Variants in DGKB observed in about 807,000 individuals in gnomAD.
DGKB encodes 90 kDa diacylglycerol kinase.
Under a neutral mutation model 114.3 loss-of-function variants are expected in DGKB, and 67 were observed. That is an observed-to-expected ratio of 0.59 (90% CI 0.48 to 0.72). DGKB has a LOEUF of 0.72. Ranked by LOEUF, DGKB falls within the 30% of genes least tolerant of loss-of-function variation. The probability of loss-of-function intolerance (pLI) is 0.00; values close to 1 mark genes in which losing one functional copy is unlikely to be tolerated. For missense variants in DGKB, 907 were observed against 975.2 expected (o/e 0.93, Z 0.93); for synonymous variants, 398 against 323.1 (o/e 1.23, Z -2.49).
At chr7:14,606,880 G>A (rs182273548) in intron 17 of DGKB, among the ~76,000 whole-genome samples, 113 of 151,744 alleles carry the variant, frequency 7.4e-4, no homozygotes, top group Middle Eastern at 3.4e-3. Flanking sequence ...AAATGAAATC[G>A]TATGATTTTT....
At chr7:14,357,550 G>T (rs141436402) in intron 21 of DGKB, among the ~76,000 whole-genome samples, 1 of 151,960 alleles carries the variant, frequency 6.6e-6, no homozygotes, top group Non-Finnish European at 1.5e-5. Flanking sequence ...CTCTTTATCC[G>T]ATTTTCCAGT....
chr7:14,283,665 G>A (rs1286755684), intron 23 of DGKB, among the ~76,000 whole-genome samples: 1 of 151,222 alleles, frequency 6.6e-6, no homozygotes, highest in African/African-American at 2.5e-5. Context: ...CCAAAACAGA[G>A]ATATAGATCA....
intron 23 of DGKB, among the ~76,000 whole-genome samples, chr7:14,283,337 C>G (rs563322368): frequency 5.3e-5 from 8 of 151,450 alleles, no homozygotes; most frequent in South Asian, 4.1e-4. Context: ...AGGAGAACTA[C>G]AAACCACTGC....
intron 16 of DGKB, among the ~76,000 whole-genome samples, chr7:14,612,612 T>C (rs1805761679): frequency 6.6e-6 from 1 of 152,096 alleles, no homozygotes; most frequent in African/African-American, 2.4e-5. Context: ...TTTGTTATAC[T>C]GTTATCATGT....
chr7:14,665,909 C>A (rs150281002), intron 13 of DGKB, among the ~76,000 whole-genome samples: 2 of 151,890 alleles, frequency 1.3e-5, no homozygotes. Context: ...ATTCTATAGG[C>A]CTATTTTATC....
intron 23 of DGKB, among the ~76,000 whole-genome samples, chr7:14,277,986 C>A (rs1437275750): frequency 6.6e-6 from 1 of 152,306 alleles, no homozygotes; most frequent in South Asian, 2.1e-4. Flanking sequence ...AGGTATCTCA[C>A]AGTGGTCTTA....
intron 1 of DGKB, among the ~76,000 whole-genome samples, chr7:14,843,362 C>G (rs1371769806): frequency 1.9e-5 from 2 of 105,168 alleles, no homozygotes; most frequent in Admixed American, 1.6e-4. Context: ...GAGTCTCGCT[C>G]TGTCGCCCAG....
At chr7:14,728,192 A>AT (rs1283203600) in intron 5 of DGKB, among the ~76,000 whole-genome samples, 1 of 152,112 alleles carries the variant, frequency 6.6e-6, no homozygotes, top group Non-Finnish European at 1.5e-5. Context: ...AAGGCATCTA[A>AT]TTTTTTTCAG....
intron 1 of DGKB, among the ~76,000 whole-genome samples, chr7:14,858,756 C>A (rs905756515): frequency 6.6e-6 from 1 of 151,970 alleles, no homozygotes. Context: ...GGTAATTGAC[C>A]AAAATATAGA....
intron 2 of DGKB, among the ~76,000 whole-genome samples, chr7:14,817,696 A>C (rs1844355481): frequency 6.6e-6 from 1 of 152,140 alleles, no homozygotes; most frequent in Non-Finnish European, 1.5e-5. Context: ...AGGGAAATGC[A>C]TGTTTTCATC....
intron 20 of DGKB, among the ~76,000 whole-genome samples, chr7:14,556,662 A>G (rs1447343994): frequency 6.6e-6 from 1 of 152,098 alleles, no homozygotes. Context: ...AGTAATATTG[A>G]CCCGTTTTGG....
chr7:14,959,377 A>G (rs1786706975), intron 1 of DGKB, among the ~76,000 whole-genome samples: 1 of 144,430 alleles, frequency 6.9e-6, no homozygotes, highest in Admixed American at 6.9e-5. Flanking sequence ...AGTGAAATAG[A>G]GTTTTTTTTT....
At chr7:14,217,169 G>A (rs1789119645) in intron 23 of DGKB, among the ~76,000 whole-genome samples, 2 of 152,038 alleles carry the variant, frequency 1.3e-5, no homozygotes, top group African/African-American at 4.8e-5. Flanking sequence ...TGTATCTAAA[G>A]CAGATGCCTA....
At chr7:14,786,162 A>ACG (rs966149297) in intron 2 of DGKB, among the ~76,000 whole-genome samples, 8 of 150,894 alleles carry the variant, frequency 5.3e-5, no homozygotes, top group Non-Finnish European at 8.8e-5. Flanking sequence ...ACACACACAC[A>ACG]CGCACACAGC....
chr7:14,773,690 A>T (rs1837741248), intron 2 of DGKB, among the ~76,000 whole-genome samples: 1 of 152,038 alleles, frequency 6.6e-6, no homozygotes, highest in Non-Finnish European at 1.5e-5. Context: ...CATGATCAAA[A>T]CCCTCTACCT....
At chr7:14,942,975 T>C (rs1785654657) in intron 1 of DGKB, among the ~76,000 whole-genome samples, 1 of 151,962 alleles carries the variant, frequency 6.6e-6, no homozygotes, top group Non-Finnish European at 1.5e-5. Context: ...GAATAAAATC[T>C]CTTTGAGTAC....
intron 21 of DGKB, among the ~76,000 whole-genome samples, chr7:14,398,331 T>C (rs753681568): frequency 3.3e-5 from 5 of 152,008 alleles, no homozygotes; most frequent in Non-Finnish European, 7.4e-5. Flanking sequence ...GAATACAAAA[T>C]GAAAATTAGA....
At chr7:14,434,162 A>C (rs1373028692) in intron 21 of DGKB, among the ~76,000 whole-genome samples, 1 of 152,184 alleles carries the variant, frequency 6.6e-6, no homozygotes, top group Non-Finnish European at 1.5e-5. Flanking sequence ...AAGACAAATT[A>C]AGATGGACAA....
chr7:14,811,482 T>C (rs780030608), intron 2 of DGKB, among the ~76,000 whole-genome samples: 3 of 152,172 alleles, frequency 2.0e-5, no homozygotes, highest in Non-Finnish European at 4.4e-5. Flanking sequence ...CTTTTCTAGA[T>C]GAAAACCCAT....
Sources: gnomAD v4.1 joint callset for allele counts (sites outside exome capture counted in the v4.1 genomes callset) on GRCh38, gnomAD v4.1.1 for gene constraint, MANE v1.5 for transcripts, NCBI Gene and HGNC (gene_info 2026-07-23, HGNC 2026-07-21) for gene names.